The following REPS1 variants were observed in gnomAD, a reference collection of about 807,000 sequenced individuals.
REPS1 encodes the protein ralBP1-associated Eps domain-containing protein 1.
A neutral mutation model predicts 100.9 loss-of-function variants in REPS1; 39 were observed. The observed-to-expected ratio is 0.39, with a 90% CI of 0.30 to 0.50. REPS1 has a LOEUF of 0.50. Among genes scored for constraint, REPS1 ranks in the 20% least tolerant of loss-of-function variants. The pLI, the probability that REPS1 is intolerant of heterozygous loss-of-function variation, is 0.86. For synonymous variants in REPS1, 324 were observed against 340.3 expected (o/e 0.95, Z 0.53); for missense variants, 821 against 968.5 (o/e 0.85, Z 2.02).
intron 1 of REPS1, among the ~76,000 whole-genome samples, chr6:138,966,072 C>T (rs1784002697): frequency 2.0e-5 from 3 of 152,088 alleles, no homozygotes; most frequent in African/African-American, 7.2e-5. Flanking sequence ...TCGCCCTGGT[C>T]ACAGTAAGTG....
chr6:138,988,089 C>T lies in REPS1; in HGVS notation c.-407G>A. 1 of 398,106 alleles carries T rather than the reference C, an allele frequency of 2.5e-6. No homozygotes were observed. Among genetic ancestry groups the T allele is most frequent in the Non-Finnish European group, 4.4e-6 (1 of 225,724 alleles). 24.7% of individuals were successfully genotyped at this position (398,106 alleles called of 1,614,324 possible). The stretch of plus-strand genomic sequence containing the variant: ...CCCCCAGACTTCCCGCCTCGGCTTC[C>T]CCTTCCGTCCACGCCTCCGGAGCGG... On this transcript the variant is annotated 5_prime_UTR_variant, in exon 1 of 20. Coordinates refer to ENST00000450536, the MANE Select transcript of REPS1 (RefSeq NM_001286611.2).
intron 15 of REPS1, 71 bp from the exon 16 acceptor site, chr6:138,913,021 T>C (rs1780114836): frequency 2.2e-6 from 3 of 1,334,032 alleles, no homozygotes; most frequent in Non-Finnish European, 3.1e-6. Flanking sequence ...CATCTTCTTC[T>C]TCTTCGAAAA....
intron 1 of REPS1, among the ~76,000 whole-genome samples, chr6:138,961,617 T>C (rs1023583965): frequency 1.3e-5 from 2 of 152,206 alleles, no homozygotes; most frequent in Non-Finnish European, 2.9e-5. Context: ...GAAAGTTTTA[T>C]CTGCCATGAC....
chr6:138,979,285 T>TTA (rs1784800309), intron 1 of REPS1, among the ~76,000 whole-genome samples: 3 of 150,878 alleles, frequency 2.0e-5, no homozygotes, highest in Admixed American at 1.3e-4. Context: ...TCTCAAGGAC[T>TTA]TCTCATCTCC....
intron 1 of REPS1, among the ~76,000 whole-genome samples, chr6:138,977,617 T>C (rs971955362): frequency 6.6e-6 from 1 of 152,230 alleles, no homozygotes; most frequent in Non-Finnish European, 1.5e-5. Context: ...TATTGCAGAA[T>C]AGTTTTCCAC....
In REPS1 at chr6:138,914,778, G is replaced by GTTCTTCTT; in HGVS notation, c.1721-25_1721-18dup. ...GTTGTTGTCCTGCATGAATACAAAA[G>GTTCTTCTT]TTCTTCTTTTTAGTAACTGTATAAT... is the stretch of plus-strand genomic sequence containing the variant. On this transcript the variant is annotated splice_polypyrimidine_tract_variant and intron_variant, in intron 14 of 19. Transcript: ENST00000450536. 1 of 1,606,238 alleles carries GTTCTTCTT rather than the reference G, an allele frequency of 6.2e-7. No homozygotes were observed. The highest frequency in any genetic ancestry group is 1.3e-5 in the African/African-American group (1 of 74,570).
At chr6:138,917,265 C>A (rs1267414922) in intron 13 of REPS1, among the ~76,000 whole-genome samples, 1 of 152,206 alleles carries the variant, frequency 6.6e-6, no homozygotes, top group Non-Finnish European at 1.5e-5. Context: ...ACATGTATTA[C>A]TTGACAGATT....
chr6:138,943,272 A>G (rs182134948), intron 7 of REPS1, among the ~76,000 whole-genome samples: 129 of 152,372 alleles, frequency 8.5e-4, no homozygotes, highest in African/African-American at 3.0e-3. Context: ...TTATGCTAGC[A>G]ACAAAAAAAC....
chr6:138,922,192 C>T (rs1171159530), intron 10 of REPS1, among the ~76,000 whole-genome samples: 2 of 152,114 alleles, frequency 1.3e-5, no homozygotes, highest in Non-Finnish European at 2.9e-5. Flanking sequence ...AAATTTGACA[C>T]TTTCTTTAAC....
chr6:138,941,261 T>A (rs1416410112), intron 8 of REPS1, 74 bp downstream of exon 8: 6 of 1,505,404 alleles, frequency 4.0e-6, no homozygotes, highest in Non-Finnish European at 5.5e-6. Flanking sequence ...AACCTCTATC[T>A]TGATTTTTCT....
chr6:138,914,816 A>G, intron 14 of REPS1, 55 bp from the exon 15 acceptor site: 2 of 1,396,592 alleles, frequency 1.4e-6, no homozygotes, highest in South Asian at 2.4e-5. Flanking sequence ...CTTTGTTAAT[A>G]GAAGAAATAG....
chr6:138,973,544 T>C (rs996014184), intron 1 of REPS1, among the ~76,000 whole-genome samples: 2 of 127,788 alleles, frequency 1.6e-5, no homozygotes, highest in African/African-American at 3.0e-5. Flanking sequence ...TAAGAAAACA[T>C]TTTTGAAGGA....
chr6:138,959,676 T>A (rs184551227), intron 1 of REPS1, among the ~76,000 whole-genome samples: 1 of 152,204 alleles, frequency 6.6e-6, no homozygotes, highest in African/African-American at 2.4e-5. Context: ...CCAGTCACTA[T>A]AACTTCTATT....
intron 19 of REPS1, among the ~76,000 whole-genome samples, chr6:138,906,518 A>G (rs1423666939): frequency 6.6e-6 from 1 of 152,208 alleles, no homozygotes. Flanking sequence ...CTAAACAGAA[A>G]TGATTATGAT....
At chr6:138,973,682 G>A (rs761671053) in intron 1 of REPS1, among the ~76,000 whole-genome samples, 1 of 151,770 alleles carries the variant, frequency 6.6e-6, no homozygotes, top group Non-Finnish European at 1.5e-5. Flanking sequence ...CTGTGTAATC[G>A]TAGAGAAGTT....
intron 1 of REPS1, 113 bp downstream of exon 1, chr6:138,987,417 C>A: frequency 2.6e-6 from 3 of 1,163,142 alleles, no homozygotes; most frequent in Non-Finnish European, 3.5e-6. Context: ...CTGCGGGGAC[C>A]CCCCGAGGAA....
chr6:138,916,757 A>G (rs1263640854), intron 13 of REPS1, among the ~76,000 whole-genome samples: 3 of 152,120 alleles, frequency 2.0e-5, no homozygotes, highest in Non-Finnish European at 2.9e-5. Flanking sequence ...CTCAAACTCA[A>G]CTCGCCCTAG....
At chr6:138,973,080 G>C (rs1784422877) in intron 1 of REPS1, among the ~76,000 whole-genome samples, 1 of 152,122 alleles carries the variant, frequency 6.6e-6, no homozygotes, top group Non-Finnish European at 1.5e-5. Context: ...CACCTATCAA[G>C]GGAAACAGAT....
At chr6:138,965,366 T>A (rs1472614866) in intron 1 of REPS1, among the ~76,000 whole-genome samples, 1 of 151,440 alleles carries the variant, frequency 6.6e-6, no homozygotes, top group Non-Finnish European at 1.5e-5. Context: ...ACAAAAAGGC[T>A]TTAAAAAAAA....
Sources: allele counts gnomAD v4.1 joint callset (sites outside exome capture counted in the v4.1 genomes callset), GRCh38; gene constraint gnomAD v4.1.1; transcripts MANE v1.5; gene names NCBI Gene and HGNC (gene_info 2026-07-23, HGNC 2026-07-21).